The following TMEM128 variants were observed in gnomAD, a reference collection of about 807,000 sequenced individuals.
TMEM128 encodes the protein transmembrane protein 128.
In TMEM128, 16 loss-of-function variants were observed where a neutral mutation model predicts 19.7. That is an observed-to-expected ratio of 0.81 (90% CI 0.55 to 1.23). TMEM128 has a LOEUF of 1.23. Among genes scored for constraint, TMEM128 ranks in the 50% most tolerant of loss-of-function variants. The probability of loss-of-function intolerance (pLI) is 0.00; values close to 1 mark genes in which losing one functional copy is unlikely to be tolerated. For synonymous variants in TMEM128, 98 were observed against 75.8 expected (o/e 1.29, Z -1.52); for missense variants, 237 against 200.8 (o/e 1.18, Z -1.09).
intron 1 of TMEM128, 46 bp from the exon 2 acceptor site, chr4:4,246,389 C>A: frequency 6.4e-7 from 1 of 1,563,542 alleles, no homozygotes; most frequent in Non-Finnish European, 8.6e-7. Context: ...CACAATTTTG[C>A]GAGGAAAAAT....
chr4:4,242,512 A>G (rs1718001923), intron 2 of TMEM128, among the ~76,000 whole-genome samples: 1 of 141,768 alleles, frequency 7.1e-6, no homozygotes, highest in South Asian at 2.5e-4. Context: ...TGTGGATATG[A>G]GAAAAAAAAA....
rs759691446 is a variant in TMEM128, at chr4:4,237,880, T to A, written c.454A>T (p.Thr152Ser). 8.1e-6 allele frequency: 13 copies of A among 1,606,152 alleles called. No individual in the cohort carries two copies. In the South Asian group the frequency reaches 1.4e-4, roughly 18 times the overall value. The change falls in exon 4 of 5, where the codon ACC becomes TCC. Residue 152 changes from threonine (T) to serine (S), a missense_variant. Coordinates refer to ENST00000382753, the MANE Select transcript of TMEM128 (RefSeq NM_001297551.2). ...AACATGACAACCCCCATAAACTGGG[T>A]AAACAACAACAATGGAGTGAAAAAC... The part of the protein sequence containing the change: ...WSFFTPLLLF[T>S]QFMGVVMFIT...
rs553062959 is a variant in TMEM128 at position 4,237,205 on chromosome 4, G to T, written c.*9+622C>A. On this transcript the variant is annotated intron_variant, in intron 4 of 4. Coordinates refer to ENST00000382753, the MANE Select transcript of TMEM128 (RefSeq NM_001297551.2). Reference sequence around the variant, plus strand: ...TTTTTTTTCCCAATTAGGTAAAATTGTTCATTCTTCCTGTATTCCCATTTC... The same window carrying T: ...TTTTTTTTCCCAATTAGGTAAAATTTTTCATTCTTCCTGTATTCCCATTTC... 4.5e-5 allele frequency: 18 copies of T among 402,950 alleles called. No individual in the cohort carries two copies. In the East Asian group the frequency reaches 1.2e-3, roughly 28 times the overall value. 25.0% of individuals were successfully genotyped at this position (402,950 alleles called of 1,614,324 possible). A position where few individuals can be genotyped will look rare whatever the true frequency, so the allele number is the denominator to read the frequency against.
intron 1 of TMEM128, among the ~76,000 whole-genome samples, chr4:4,246,907 C>T (rs1316457023): frequency 1.3e-5 from 2 of 152,022 alleles, no homozygotes; most frequent in African/African-American, 4.8e-5. Flanking sequence ...GCCACCACGC[C>T]GGGCTAATTT....
chr4:4,242,710 G>C (rs978150577), intron 2 of TMEM128, among the ~76,000 whole-genome samples: 8 of 151,832 alleles, frequency 5.3e-5, no homozygotes, highest in East Asian at 2.0e-4. Flanking sequence ...GTAGAGATGG[G>C]GTCTCACCAT....
rs1718284397 is a variant in TMEM128 at position 4,248,155 on chromosome 4, G to C, written c.48C>G (p.Leu16=). The change falls in exon 1 of 5, where the codon CTC becomes CTG. Residue 16 remains leucine (L), a synonymous_variant. Coordinates refer to ENST00000382753, the MANE Select transcript of TMEM128 (RefSeq NM_001297551.2). ...ARQQLRRRFL[L]LPDAEAQLDR... is the part of the protein sequence containing the mutation. Reference sequence around the variant, plus strand: ...CCAGCTGGGCCTCGGCGTCCGGCAGGAGGAGGAATCGCCGCCGGAGCTGCT... The same window carrying C: ...CCAGCTGGGCCTCGGCGTCCGGCAGCAGGAGGAATCGCCGCCGGAGCTGCT... The C allele has an allele frequency of 6.5e-7, 1 of 1,534,564 alleles. No individual in the cohort carries two copies. The highest frequency in any genetic ancestry group is 2.0e-5 in the Admixed American group (1 of 50,476).
chr4:4,237,924 G>A lies in TMEM128; in HGVS notation c.410C>T (p.Ala137Val), dbSNP rs1472880687. The A allele has an allele frequency of 1.3e-6, 2 of 1,564,634 alleles. No homozygotes were observed. ...FIAAGICFNI[A>V]LWHVWSFFTP... is the part of the protein sequence containing the mutation. ...GAAAAACGACCACACATGCCATAAA[G>A]CAATGTTGAAGCTGAAAAGAACAAG... Residue 137 changes from alanine to valine, a missense_variant, in exon 4 of 5, where the codon GCT (alanine) becomes GTT (valine). By Grantham distance (64) the Ala-to-Val change is moderately conservative. Transcript: ENST00000382753.
chr4:4,240,602 T>C, intron 2 of TMEM128, 123 bp from the exon 3 acceptor site: 9 of 1,066,788 alleles, frequency 8.4e-6, no homozygotes, highest in Non-Finnish European at 1.2e-5. Context: ...GAGGGAGCCA[T>C]ACTTAAACAA....
chr4:4,248,133 G>A lies in TMEM128; in HGVS notation c.70C>T (p.Leu24=). The A allele has an allele frequency of 6.5e-7, 1 of 1,534,798 alleles. No individual in the cohort carries two copies. Residue 24 remains leucine, a synonymous_variant, in exon 1 of 5, where the codon CTG becomes TTG. Transcript: ENST00000382753. ...GGCCCGGCGTCACCCTCGCGGTCCA[G>A]CTGGGCCTCGGCGTCCGGCAGGAGG... is the stretch of plus-strand genomic sequence containing the variant. ...FLLLPDAEAQ[L]DREGDAGPET...
intron 2 of TMEM128, among the ~76,000 whole-genome samples, chr4:4,244,399 C>A (rs1718086685): frequency 1.3e-5 from 2 of 152,034 alleles, no homozygotes; most frequent in African/African-American, 4.8e-5. Flanking sequence ...ATCACTTGAG[C>A]CTGGGAAGTC....
chr4:4,241,320 C>A (rs1317029546), intron 2 of TMEM128, among the ~76,000 whole-genome samples: 1 of 152,186 alleles, frequency 6.6e-6, no homozygotes, highest in East Asian at 1.9e-4. Context: ...ATCTTCTACT[C>A]ACCACCTCAC....
rs752195763 is a variant in TMEM128, at chr4:4,240,435, A to C, written c.284T>G (p.Ile95Ser). The C allele has an allele frequency of 1.2e-6, 2 of 1,613,900 alleles. No homozygotes were observed. The highest frequency in any genetic ancestry group is 1.7e-6 in the Non-Finnish European group (2 of 1,179,836). ...CAGGTAGACTATGCAGTAAAATGCA[A>C]TTGATAAACTGACAAGCAACAAGGC... ...GSALLLVSLS[I>S]AFYCIVYLEW... is the part of the protein sequence containing the mutation. Residue 95 changes from isoleucine to serine, a missense_variant, in exon 3 of 5, where the codon ATT (isoleucine) becomes AGT (serine). By Grantham distance (142) the Ile-to-Ser change is moderately radical (BLOSUM62 -2). Transcript: ENST00000382753.
Position 4,248,206 on chromosome 4 carries a change from G to C in TMEM128, c.-4C>G, listed in dbSNP as rs1577201686. The C allele has an allele frequency of 6.7e-7, 1 of 1,501,210 alleles. No individual in the cohort carries two copies. Among genetic ancestry groups the C allele is most frequent in the Non-Finnish European group, 8.9e-7 (1 of 1,122,304 alleles). The allele number at this position is 1,501,210 out of a possible 1,614,324, so 93.0% of individuals were successfully genotyped here. On this transcript the variant is annotated 5_prime_UTR_variant, in exon 1 of 5. Transcript: ENST00000382753. ...GCCGGGCCCGCGAGGAGTCCATCTT[G>C]GTACCGCCCCGAAATGCGACGGAAG... is the stretch of plus-strand genomic sequence containing the variant.
chr4:4,240,304 T>C lies in TMEM128; in HGVS notation c.398+17A>G. On this transcript the variant is annotated intron_variant, in intron 3 of 4. Coordinates refer to ENST00000382753, the MANE Select transcript of TMEM128 (RefSeq NM_001297551.2). ...ATTTGTTGTTCATTCCTGTTAGTCA[T>C]TTCAAAGTTAACTTACCAAATTCCT... The C allele has an allele frequency of 6.2e-7, 1 of 1,612,894 alleles. No homozygotes were observed. The highest frequency in any genetic ancestry group is 8.5e-7 in the Non-Finnish European group (1 of 1,179,312).
chr4:4,244,506 T>C (rs1482563415), intron 2 of TMEM128, among the ~76,000 whole-genome samples: 1 of 152,036 alleles, frequency 6.6e-6, no homozygotes, highest in Non-Finnish European at 1.5e-5. Flanking sequence ...AAAGTATCCA[T>C]CCCTCTTTTC....
At chr4:4,247,677 A>G in intron 1 of TMEM128, 1 of 1,613,806 alleles carries the variant, frequency 6.2e-7, no homozygotes, top group Non-Finnish European at 8.5e-7. Context: ...GGTACATACG[A>G]GTCGACCTGA....
chr4:4,247,966 A>G (rs1320165339), intron 1 of TMEM128, 140 bp downstream of exon 1: 32 of 1,439,950 alleles, frequency 2.2e-5, no homozygotes, highest in Middle Eastern at 2.5e-4. Flanking sequence ...CCGCGATTCT[A>G]AGGATCTTCC....
intron 1 of TMEM128, chr4:4,247,545 CT>C: frequency 1.2e-6 from 2 of 1,613,350 alleles, no homozygotes; most frequent in Non-Finnish European, 1.7e-6. Flanking sequence ...CTTACAATTT[CT>C]ACTGAATTCT....
intron 3 of TMEM128, among the ~76,000 whole-genome samples, chr4:4,239,507 A>G (rs1446056557): frequency 2.0e-5 from 3 of 152,254 alleles, no homozygotes; most frequent in Admixed American, 6.5e-5. Context: ...AGGTACGTAC[A>G]TCCAACAATT....
Sources: allele counts gnomAD v4.1 joint callset (sites outside exome capture counted in the v4.1 genomes callset), GRCh38; gene constraint gnomAD v4.1.1; transcripts MANE v1.5; gene names NCBI Gene and HGNC (gene_info 2026-07-23, HGNC 2026-07-21).